CCDC50: variants seen among roughly 807,000 people sequenced by gnomAD.
CCDC50 encodes coiled-coil domain-containing protein 50.
A neutral mutation model predicts 70.2 loss-of-function variants in CCDC50; 54 were observed. That is an observed-to-expected ratio of 0.77 (90% CI 0.62 to 0.96). CCDC50 has a LOEUF of 0.96. CCDC50 is among the 50% of genes least tolerant of loss of function. The pLI is 0.00. For synonymous variants in CCDC50, 216 were observed against 198.8 expected (o/e 1.09, Z -0.73); for missense variants, 558 against 578.7 (o/e 0.96, Z 0.37).
chr3:191,370,165 T>C, intron 5 of CCDC50, 129 bp downstream of exon 5: 3 of 722,778 alleles, frequency 4.2e-6, no homozygotes, highest in Non-Finnish European at 7.6e-6. Context: ...TGGGTACATT[T>C]AGATGTGTGG....
chr3:191,368,517 T>C (rs992975975), intron 4 of CCDC50, among the ~76,000 whole-genome samples: 4 of 152,084 alleles, frequency 2.6e-5, no homozygotes, highest in Non-Finnish European at 5.9e-5. Flanking sequence ...TGGATAAATA[T>C]TGCTAATTTA....
intron 10 of CCDC50, 94 bp from the exon 11 acceptor site, chr3:191,389,402 C>T (rs1383880419): frequency 2.3e-5 from 25 of 1,104,250 alleles, no homozygotes; most frequent in Middle Eastern, 2.0e-4. Context: ...TTTCATTTCA[C>T]AAGAAAATGT....
intron 1 of CCDC50, among the ~76,000 whole-genome samples, chr3:191,348,817 T>A (rs1464394544): frequency 7.0e-6 from 1 of 142,736 alleles, no homozygotes; most frequent in Non-Finnish European, 1.6e-5. Context: ...TTCAATGGCA[T>A]GAAAATTTTA....
chr3:191,390,830 G>A (rs969033528), intron 11 of CCDC50, among the ~76,000 whole-genome samples: 3 of 152,184 alleles, frequency 2.0e-5, no homozygotes, highest in Admixed American at 6.5e-5. Context: ...TGGGAATGGA[G>A]TCCAGTAGGT....
chr3:191,382,568 G>T (rs547907868), intron 9 of CCDC50, among the ~76,000 whole-genome samples, 178 bp from the exon 10 acceptor site: 1 of 152,088 alleles, frequency 6.6e-6, no homozygotes, highest in South Asian at 2.1e-4. Context: ...TTCTACCTCT[G>T]GAGTGGCCAT....
At chr3:191,376,427 G>T (rs957894737) in intron 6 of CCDC50, among the ~76,000 whole-genome samples, 1 of 152,072 alleles carries the variant, frequency 6.6e-6, no homozygotes, top group East Asian at 1.9e-4. Context: ...GTCCATCATT[G>T]ACGCAGTAAT....
At chr3:191,383,426 T>C (rs1279628653) in intron 10 of CCDC50, among the ~76,000 whole-genome samples, 2 of 152,252 alleles carry the variant, frequency 1.3e-5, no homozygotes, top group African/African-American at 2.4e-5. Flanking sequence ...CCTCTTTTTT[T>C]TTTTAATTGC....
At chr3:191,365,916 T>G (rs1344263615) in intron 4 of CCDC50, among the ~76,000 whole-genome samples, 1 of 152,184 alleles carries the variant, frequency 6.6e-6, no homozygotes, top group African/African-American at 2.4e-5. Context: ...CAATGAGCAT[T>G]TTCTTTGAGC....
At chr3:191,378,286 C>A (rs776778449) in intron 6 of CCDC50, among the ~76,000 whole-genome samples, 5 of 152,104 alleles carry the variant, frequency 3.3e-5, no homozygotes, top group Non-Finnish European at 7.4e-5. Flanking sequence ...AGTCTTATCA[C>A]CCTGTCAAAA....
intron 5 of CCDC50, among the ~76,000 whole-genome samples, chr3:191,373,342 A>C (rs2108661439): frequency 6.6e-6 from 1 of 152,276 alleles, no homozygotes; most frequent in East Asian, 1.9e-4. Context: ...AAAATGTAGT[A>C]ACAGCTCTGT....
rs925601785 is a variant in CCDC50 at position 191,392,586 on chromosome 3, G to A, written c.*826G>A. The A allele has an allele frequency of 5.3e-5, 8 of 152,202 alleles. No homozygotes were observed. Among genetic ancestry groups the A allele is most frequent in the African/African-American group, 1.9e-4 (8 of 41,450 alleles). The allele number at this position is 152,202 out of a possible 1,614,324, so 9.4% of individuals were successfully genotyped here. On this transcript the variant is annotated 3_prime_UTR_variant, in exon 12 of 12. Coordinates refer to ENST00000392455, the MANE Select transcript of CCDC50 (RefSeq NM_178335.3). ...AATGATGCCATCCTTCTCTCTGGCT[G>A]TAGACTGAGGCTTTTCTCTTGCTTC...
At chr3:191,376,730 A>T (rs1272802138) in intron 6 of CCDC50, among the ~76,000 whole-genome samples, 1 of 152,176 alleles carries the variant, frequency 6.6e-6, no homozygotes, top group African/African-American at 2.4e-5. Context: ...AAACAATTCC[A>T]AACTAGATCC....
At chr3:191,340,919 T>A (rs1711704680) in intron 1 of CCDC50, among the ~76,000 whole-genome samples, 1 of 152,184 alleles carries the variant, frequency 6.6e-6, no homozygotes, top group Admixed American at 6.5e-5. Flanking sequence ...CACTGTGGCC[T>A]CAAGCTCCTG....
Position 191,397,210 on chromosome 3 carries a change from A to G in CCDC50, c.*5450A>G, listed in dbSNP as rs976637533. 2.6e-5 allele frequency: 4 copies of G among 152,226 alleles called. No individual in the cohort carries two copies. Among genetic ancestry groups the G allele is most frequent in the Non-Finnish European group, 4.4e-5 (3 of 68,024 alleles). 9.4% of individuals were successfully genotyped at this position (152,226 alleles called of 1,614,324 possible). On this transcript the variant is annotated 3_prime_UTR_variant, in exon 12 of 12. Coordinates refer to ENST00000392455, the MANE Select transcript of CCDC50 (RefSeq NM_178335.3). The stretch of plus-strand genomic sequence containing the variant: ...CTAAGAGAACATACTATGACATATC[A>G]TAGAATTGGGATACATTTTTGTTGC...
At chr3:191,388,273 A>G (rs1713564920) in intron 10 of CCDC50, among the ~76,000 whole-genome samples, 1 of 152,144 alleles carries the variant, frequency 6.6e-6, no homozygotes, top group Non-Finnish European at 1.5e-5. Context: ...AGTCTTTTAT[A>G]CAGATGATGC....
chr3:191,343,108 A>AT (rs1711789043), intron 1 of CCDC50, among the ~76,000 whole-genome samples: 1 of 152,176 alleles, frequency 6.6e-6, no homozygotes. Context: ...GGGACTTTTC[A>AT]TATACCTGAG....
At chr3:191,351,265 AG>A (rs1712097479) in intron 1 of CCDC50, among the ~76,000 whole-genome samples, 1 of 142,316 alleles carries the variant, frequency 7.0e-6, no homozygotes, top group Admixed American at 7.2e-5. Context: ...ATCTTAATCT[AG>A]TACTGTTAAT....
At position 191,336,754 on chromosome 3, in the gene CCDC50, A is replaced by G. The variant is rs565693972; in HGVS notation, c.49+7031A>G. On this transcript the variant is annotated intron_variant, in intron 1 of 11. Transcript: ENST00000392455. ...CAGACTTATGCAATTACATTTGGAA[A>G]ATTACAGAATGAGTATACTGTGGCC... 1.7e-3 allele frequency among the ~76,000 whole-genome samples: 259 copies of G among 152,302 alleles called. 1 individual carries two copies. The highest frequency in any genetic ancestry group is 6.0e-3 in the African/African-American group (249 of 41,580).
chr3:191,356,234 G>A (rs1179648823), intron 1 of CCDC50, among the ~76,000 whole-genome samples: 2 of 152,170 alleles, frequency 1.3e-5, no homozygotes, highest in East Asian at 1.9e-4. Flanking sequence ...TTGTCTGTTT[G>A]TATGTTTACG....
Sources: gnomAD v4.1 joint callset for allele counts (sites outside exome capture counted in the v4.1 genomes callset) on GRCh38, gnomAD v4.1.1 for gene constraint, MANE v1.5 for transcripts, NCBI Gene and HGNC (gene_info 2026-07-23, HGNC 2026-07-21) for gene names.